JAK1: variants seen among roughly 807,000 people sequenced by gnomAD.
JAK1 encodes Janus kinase 1, also known as tyrosine-protein kinase JAK1.
In JAK1, 16 loss-of-function variants were observed where a neutral mutation model predicts 136.6. That is an observed-to-expected ratio of 0.12 (90% CI 0.08 to 0.18). The LOEUF (loss-of-function observed/expected upper bound fraction) is 0.18. Ranked by LOEUF, JAK1 falls within the 10% of genes least tolerant of loss-of-function variation. The probability of loss-of-function intolerance (pLI) is 1.00; values close to 1 mark genes in which losing one functional copy is unlikely to be tolerated. For missense variants in JAK1, 859 were observed against 1,450.1 expected (o/e 0.59, Z 6.62); for synonymous variants, 492 against 519.5 (o/e 0.95, Z 0.72).
At chr1:64,842,243 C>G (rs1406460248) in intron 17 of JAK1, among the ~76,000 whole-genome samples, 2 of 152,022 alleles carry the variant, frequency 1.3e-5, no homozygotes, top group Admixed American at 6.6e-5. Flanking sequence ...AAAGTGTTAA[C>G]AGTGGTCAGG....
intron 1 of JAK1, among the ~76,000 whole-genome samples, chr1:64,958,277 T>C (rs7546545): frequency 0.66 from 100,382 of 152,096 alleles, 35,558 homozygotes; most frequent in Middle Eastern, 0.88. Context: ...CTCTGACTTC[T>C]TCCTACTTCC....
At chr1:64,976,593 C>T (rs112633534) in intron 2 of JAK1, among the ~76,000 whole-genome samples, 81 of 152,300 alleles carry the variant, frequency 5.3e-4, no homozygotes, top group Admixed American at 1.8e-3. Context: ...TTCAGCAATG[C>T]CCTGCAGAGG....
At chr1:65,063,840 A>G (rs1647926544) in intron 1 of JAK1, among the ~76,000 whole-genome samples, 1 of 151,898 alleles carries the variant, frequency 6.6e-6, no homozygotes, top group Non-Finnish European at 1.5e-5. Context: ...AAAAAAGAAA[A>G]GAAATTAATT....
chr1:64,987,770 G>A (rs950940897), intron 2 of JAK1: 2 of 152,204 alleles, frequency 1.3e-5, no homozygotes, highest in Non-Finnish European at 2.9e-5. Flanking sequence ...CTCTGTGATT[G>A]TGTTCACTGT....
chr1:65,002,673 C>T lies in JAK1; in HGVS notation c.-78+41807G>A, dbSNP rs1032735345. 2.6e-5 allele frequency among the ~76,000 whole-genome samples: 4 copies of T among 152,244 alleles called. No individual in the cohort carries two copies. The South Asian group carries it at 8.3e-4, about 31-fold the overall frequency. On this transcript the variant is annotated intron_variant, in intron 2 of 25. Transcript: ENST00000671954. ...GGAGCCAGCTGGATGCGTCACCATCCGAAAGTGCGAGCCTGGCCGGCGGCG... is the reference window on the plus strand; with the variant it reads ...GGAGCCAGCTGGATGCGTCACCATCTGAAAGTGCGAGCCTGGCCGGCGGCG...
chr1:64,996,054 C>T (rs1215109326), intron 2 of JAK1, among the ~76,000 whole-genome samples: 1 of 151,484 alleles, frequency 6.6e-6, no homozygotes, highest in Non-Finnish European at 1.5e-5. Flanking sequence ...ACATTGGGCT[C>T]TTTTTTTTTC....
rs114341991 is a variant in JAK1 at position 65,054,530 on chromosome 1, C to T, written c.-180-9948G>A. 3.5e-3 allele frequency among the ~76,000 whole-genome samples: 537 copies of T among 151,916 alleles called. 4 individuals are homozygous for T. Among genetic ancestry groups the T allele is most frequent in the African/African-American group, 0.012 (503 of 41,456 alleles). The stretch of plus-strand genomic sequence containing the variant: ...ACCTGAGGATTCACCAATCCCAGAC[C>T]GTTCCCTTCTTATGAGTTCTTCCAT... On this transcript the variant is annotated intron_variant, in intron 1 of 25. Transcript: ENST00000671954.
chr1:64,883,329 G>C lies in JAK1; in HGVS notation c.153C>G (p.Gly51=), dbSNP rs766757288. 5 of 1,614,014 alleles carry C rather than the reference G, an allele frequency of 3.1e-6. No homozygotes were observed. The highest frequency in any genetic ancestry group is 1.3e-5 in the African/African-American group (1 of 74,924). ...GTTCCTCTGCTGTGTACTCTCCACT[G>C]CCCAGCCGGAGGGGCTCCCTGTCCG... ...YLSDREPLRL[G]SGEYTAEELC... The change falls in exon 3 of 25, where the codon GGC becomes GGG. Residue 51 remains glycine (G), a synonymous_variant. Transcript: ENST00000342505.
At chr1:65,026,637 A>G (rs1422409040) in intron 2 of JAK1, among the ~76,000 whole-genome samples, 2 of 152,216 alleles carry the variant, frequency 1.3e-5, no homozygotes, top group Non-Finnish European at 2.9e-5. Flanking sequence ...ATGAGCTTCT[A>G]GAGGAGTTGC....
chr1:64,952,220 G>A (rs1646104595), intron 1 of JAK1, among the ~76,000 whole-genome samples: 1 of 152,174 alleles, frequency 6.6e-6, no homozygotes, highest in South Asian at 2.1e-4. Flanking sequence ...TTCATAAGGG[G>A]TGCAGATGGA....
chr1:64,870,452 A>G (rs1261697171), intron 5 of JAK1, among the ~76,000 whole-genome samples: 1 of 152,150 alleles, frequency 6.6e-6, no homozygotes, highest in East Asian at 1.9e-4. Flanking sequence ...AGGAGTATCT[A>G]ACGTCAGGCA....
intron 1 of JAK1, among the ~76,000 whole-genome samples, chr1:64,892,340 GCA>G (rs1644950788): frequency 6.6e-6 from 1 of 152,128 alleles, no homozygotes; most frequent in African/African-American, 2.4e-5. Context: ...GAATATAGTG[GCA>G]CAATCATGGC....
At chr1:64,858,565 G>A (rs1255727868) in intron 9 of JAK1, among the ~76,000 whole-genome samples, 3 of 152,138 alleles carry the variant, frequency 2.0e-5, no homozygotes, top group African/African-American at 7.2e-5. Flanking sequence ...AGGCTCTTTA[G>A]GCAAGGAATG....
intron 1 of JAK1, among the ~76,000 whole-genome samples, chr1:64,960,982 C>T (rs1352725063): frequency 4.6e-5 from 7 of 152,174 alleles, no homozygotes; most frequent in Admixed American, 4.6e-4. Flanking sequence ...GATTGTTTCA[C>T]TTTTGAGTTT....
chr1:64,838,692 C>T (rs1329688294), intron 20 of JAK1, 103 bp from the exon 21 acceptor site: 1 of 1,115,792 alleles, frequency 9.0e-7, no homozygotes, highest in Non-Finnish European at 1.3e-6. Context: ...GTGACGCCAG[C>T]TTCGCCCCTT....
intron 2 of JAK1, chr1:64,974,036 G>A (rs1375116798): frequency 3.3e-5 from 5 of 152,246 alleles, no homozygotes; most frequent in African/African-American, 1.2e-4. Context: ...AATTATAAAT[G>A]TCCACATTAT....
intron 2 of JAK1, chr1:64,991,546 T>C (rs765762787): frequency 6.6e-6 from 1 of 152,264 alleles, no homozygotes; most frequent in African/African-American, 2.4e-5. Flanking sequence ...TTAATTAGTT[T>C]GATCACCAGG....
chr1:65,030,899 G>A (rs1647017134), intron 2 of JAK1, among the ~76,000 whole-genome samples: 1 of 152,030 alleles, frequency 6.6e-6, no homozygotes, highest in Non-Finnish European at 1.5e-5. Context: ...CATGCATGTG[G>A]TCCCAGGACT....
At chr1:64,835,905 G>T (rs565705739) in intron 23 of JAK1, among the ~76,000 whole-genome samples, 193 bp downstream of exon 23, 6 of 152,204 alleles carry the variant, frequency 3.9e-5, no homozygotes, top group East Asian at 1.9e-4. Context: ...TAGAACTCCG[G>T]GCTCGTTGTG....
Sources: gnomAD v4.1 joint callset for allele counts (sites outside exome capture counted in the v4.1 genomes callset) on GRCh38, gnomAD v4.1.1 for gene constraint, MANE v1.5 for transcripts, NCBI Gene and HGNC (gene_info 2026-07-23, HGNC 2026-07-21) for gene names.